LIG1: variants seen among roughly 807,000 people sequenced by gnomAD.
The protein encoded by LIG1 is ligase I, DNA, ATP-dependent.
In LIG1, 70 loss-of-function variants were observed where a neutral mutation model predicts 115.7. The ratio of observed to expected loss-of-function variants is 0.60; its 90% CI spans 0.50 to 0.74. The LOEUF is 0.74. Ranked by LOEUF, LIG1 falls within the 30% of genes least tolerant of loss-of-function variation. The pLI, the probability that LIG1 is intolerant of heterozygous loss-of-function variation, is 0.00. For missense variants in LIG1, 1,115 were observed against 1,225.6 expected (o/e 0.91, Z 1.35); for synonymous variants, 487 against 495.3 (o/e 0.98, Z 0.22).
rs770586328 is a variant in LIG1, at chr19:48,161,447, T to C, written c.168A>G (p.Pro56=). The C allele has an allele frequency of 9.3e-6, 15 of 1,614,060 alleles. No homozygotes were observed. The highest frequency in any genetic ancestry group is 1.3e-5 in the Non-Finnish European group (15 of 1,180,044). ...CCAGGACCCGGGCCGCCTTCCTCCC[T>C]GGCCTCTTCACCGGAGAGTCACTCT... The part of the protein sequence containing the change: ...VSESDSPVKR[P]GRKAARVLGS... The change falls in exon 4 of 28, where the codon CCA becomes CCG. Residue 56 remains proline, a synonymous_variant. Transcript: ENST00000263274.
chr19:48,141,480 G>A (rs1258764054), intron 11 of LIG1, among the ~76,000 whole-genome samples: 5 of 152,164 alleles, frequency 3.3e-5, no homozygotes, highest in Non-Finnish European at 7.4e-5. Flanking sequence ...CTCTGAGGTA[G>A]GTACCATTAT....
chr19:48,148,165 G>A (rs954915690), intron 9 of LIG1, among the ~76,000 whole-genome samples: 1 of 152,138 alleles, frequency 6.6e-6, no homozygotes, highest in African/African-American at 2.4e-5. Context: ...GTAGGCCGGG[G>A]TCAAGCATGT....
In LIG1 at chr19:48,126,281, CTG is replaced by C. The variant is rs201341511; in HGVS notation, c.2004+994_2004+995del. On this transcript the variant is annotated intron_variant, in intron 21 of 27. Coordinates refer to ENST00000263274, the MANE Select transcript of LIG1 (RefSeq NM_000234.3). ...CATCCTAAAGCAAGCTGTTCTCAAA[CTG>C]TTGTCTTGAGGCCTCTTTAACACTC... Among the ~76,000 whole-genome samples, 377 of 152,096 alleles carry C rather than the reference CTG, an allele frequency of 2.5e-3. 2 individuals are homozygous for C. The highest frequency in any genetic ancestry group is 8.1e-3 in the African/African-American group (338 of 41,484).
At chr19:48,119,213 C>G in intron 24 of LIG1, 23 bp from the exon 25 acceptor site, 4 of 1,574,512 alleles carry the variant, frequency 2.5e-6, no homozygotes, top group Non-Finnish European at 3.5e-6. Context: ...AGCGGGAGGT[C>G]AGAGGCTCAG....
chr19:48,118,845 A>C (rs1568474421), intron 25 of LIG1, among the ~76,000 whole-genome samples: 1 of 152,232 alleles, frequency 6.6e-6, no homozygotes, highest in South Asian at 2.1e-4. Flanking sequence ...CAGGCACTTC[A>C]CAAGGAGCAG....
In LIG1 at chr19:48,133,056, T is replaced by C. The variant is rs2122562599; in HGVS notation, c.1651A>G (p.Ile551Val). Reference protein sequence around the residue: ...KPMLAHPTRGISEVLKRFEEA... With the variant: ...KPMLAHPTRGVSEVLKRFEEA... Reference sequence around the variant, plus strand: ...TCAAAGCGTTTCAGGACCTCGCTGATGCCCCGGGTGGGATGGGCCAACATT... The same window carrying C: ...TCAAAGCGTTTCAGGACCTCGCTGACGCCCCGGGTGGGATGGGCCAACATT... Residue 551 changes from isoleucine to valine, a missense_variant, in exon 18 of 28, where the codon ATC (isoleucine) becomes GTC (valine). By Grantham distance (29) the Ile-to-Val change is conservative. Coordinates refer to ENST00000263274, the MANE Select transcript of LIG1 (RefSeq NM_000234.3). 2 of 1,614,138 alleles carry C rather than the reference T, an allele frequency of 1.2e-6. No homozygotes were observed. The highest frequency in any genetic ancestry group is 1.7e-6 in the Non-Finnish European group (2 of 1,180,010).
At chr19:48,135,039 G>A (rs1236725768) in intron 16 of LIG1, among the ~76,000 whole-genome samples, 1 of 152,228 alleles carries the variant, frequency 6.6e-6, no homozygotes, top group Non-Finnish European at 1.5e-5. Context: ...CCTTCACCAT[G>A]TGTCAGTCAC....
At chr19:48,168,066 C>A (rs958281408) in intron 1 of LIG1, among the ~76,000 whole-genome samples, 1 of 152,136 alleles carries the variant, frequency 6.6e-6, no homozygotes, top group Non-Finnish European at 1.5e-5. Flanking sequence ...TGACTCTCCA[C>A]AACAACTCTG....
chr19:48,139,964 C>G lies in LIG1; in HGVS notation c.1087+7G>C. 2 of 1,614,104 alleles carry G rather than the reference C, an allele frequency of 1.2e-6. No individual in the cohort carries two copies. Among genetic ancestry groups the G allele is most frequent in the Non-Finnish European group, 1.7e-6 (2 of 1,179,984 alleles). On this transcript the variant is annotated splice_region_variant and intron_variant, in intron 12 of 27. Transcript: ENST00000263274. ...CTTCTGGTCCCTCCAACCACAGTCC[C>G]CCTTACCTGTGGCCTGGGCCACTGC...
intron 24 of LIG1, among the ~76,000 whole-genome samples, chr19:48,119,773 G>A (rs1038926025): frequency 1.3e-5 from 2 of 152,138 alleles, no homozygotes; most frequent in Admixed American, 6.5e-5. Flanking sequence ...GAACTCCTGG[G>A]CTCAAGTGAT....
chr19:48,142,916 T>C (rs894859173), intron 11 of LIG1, among the ~76,000 whole-genome samples: 4 of 152,144 alleles, frequency 2.6e-5, no homozygotes. Flanking sequence ...GTGCTGGAAT[T>C]AAGGCATGAG....
Position 48,162,252 on chromosome 19 carries a change from T to C in LIG1, c.107+10A>G. Reference sequence around the variant, plus strand: ...GAAAAAATTCACCATATCCCAGCCCTGTGACATACTTTGGAGGGGGCTCCG... The same window carrying C: ...GAAAAAATTCACCATATCCCAGCCCCGTGACATACTTTGGAGGGGGCTCCG... On this transcript the variant is annotated intron_variant, in intron 3 of 27. Coordinates refer to ENST00000263274, the MANE Select transcript of LIG1 (RefSeq NM_000234.3). 6.2e-7 allele frequency: 1 copy of C among 1,607,854 alleles called. No individual in the cohort carries two copies.
chr19:48,140,183 A>C, intron 11 of LIG1, 40 bp from the exon 12 acceptor site: 1 of 1,355,462 alleles, frequency 7.4e-7, no homozygotes, highest in Non-Finnish European at 1.0e-6. Flanking sequence ...TGGTTCCTCA[A>C]GGTCAAAGTG....
rs3730935 is a variant in LIG1, at chr19:48,143,528, G to T, written c.914+15C>A. ...AGCGACCCCGCCCCCCACCCAGGCA[G>T]TCCTCATTAGTTACCGAGCAGACAC... On this transcript the variant is annotated intron_variant, in intron 11 of 27. Transcript: ENST00000263274. The T allele has an allele frequency of 4.7e-3, 7,269 of 1,530,848 alleles. 32 individuals are homozygous for T. Among genetic ancestry groups the T allele is most frequent in the Non-Finnish European group, 6.0e-3 (6,728 of 1,116,278 alleles). 94.8% of individuals were successfully genotyped at this position (1,530,848 alleles called of 1,614,324 possible).
chr19:48,125,645 A>G (rs2033614652), intron 21 of LIG1, among the ~76,000 whole-genome samples: 1 of 152,234 alleles, frequency 6.6e-6, no homozygotes. Context: ...TCCATTAATA[A>G]GACAGAAGTG....
chr19:48,126,897 G>C, intron 21 of LIG1: 1 of 262,368 alleles, frequency 3.8e-6, no homozygotes, highest in East Asian at 8.4e-5. Context: ...ATATTTTGAT[G>C]AAACATAACC....
intron 19 of LIG1, among the ~76,000 whole-genome samples, chr19:48,130,408 A>G (rs187634101): frequency 5.8e-4 from 88 of 152,226 alleles, no homozygotes; most frequent in African/African-American, 1.8e-3. Context: ...CAGGCACGAG[A>G]CCCCTACTGG....
chr19:48,125,225 T>C (rs1221478439), intron 21 of LIG1, among the ~76,000 whole-genome samples: 1 of 152,128 alleles, frequency 6.6e-6, no homozygotes, highest in East Asian at 1.9e-4. Flanking sequence ...TTTGAAATGC[T>C]CATGGGAGAC....
chr19:48,128,641 C>T (rs2033826410), intron 19 of LIG1, among the ~76,000 whole-genome samples: 2 of 152,216 alleles, frequency 1.3e-5, no homozygotes, highest in Admixed American at 1.3e-4. Context: ...GAACCCCTGC[C>T]CCTGTCTGTC....
Sources: allele counts gnomAD v4.1 joint callset (sites outside exome capture counted in the v4.1 genomes callset), GRCh38; gene constraint gnomAD v4.1.1; transcripts MANE v1.5; gene names NCBI Gene and HGNC (gene_info 2026-07-23, HGNC 2026-07-21).